The following DCTN5 variants were observed in gnomAD, a reference collection of about 807,000 sequenced individuals.
DCTN5 encodes dynactin subunit 5, also known as dynactin 4.
In DCTN5, 14 loss-of-function variants were observed where a neutral mutation model predicts 23.5. The observed-to-expected ratio is 0.60, with a 90% CI of 0.39 to 0.93. The LOEUF is 0.93. DCTN5 is among the 40% of genes least tolerant of loss of function. DCTN5 has a pLI of 0.00. For missense variants in DCTN5, 156 were observed against 225.9 expected (o/e 0.69, Z 1.98); for synonymous variants, 67 against 79.6 (o/e 0.84, Z 0.84).
At chr16:23,659,493 G>C (rs1194970612) in intron 3 of DCTN5, among the ~76,000 whole-genome samples, 1 of 152,178 alleles carries the variant, frequency 6.6e-6, no homozygotes, top group Non-Finnish European at 1.5e-5. Flanking sequence ...AATATATAAA[G>C]ATAGATAAAA....
rs1200886459 is a variant in DCTN5 at position 23,669,138 on chromosome 16, T to A, written c.*1994T>A. 1 of 152,652 alleles carries A rather than the reference T, an allele frequency of 6.6e-6. No homozygotes were observed. The highest frequency in any genetic ancestry group is 1.9e-4 in the East Asian group (1 of 5,192). 9.5% of individuals were successfully genotyped at this position (152,652 alleles called of 1,614,324 possible). A position where few individuals can be genotyped will look rare whatever the true frequency, so the allele number is the denominator to read the frequency against. On this transcript the variant is annotated 3_prime_UTR_variant, in exon 6 of 6. Transcript: ENST00000300087. ...CTAGGAACAGCCTGTCACCACACAA[T>A]TACTTTTATAACCCTGGAGATGAAA... is the stretch of plus-strand genomic sequence containing the variant.
chr16:23,663,077 G>A (rs947771173), intron 4 of DCTN5, among the ~76,000 whole-genome samples: 6 of 152,104 alleles, frequency 3.9e-5, no homozygotes, highest in South Asian at 4.1e-4. Context: ...TAGTCCAGCC[G>A]TCCCCATGAC....
chr16:23,653,165 T>A (rs1422643362), intron 2 of DCTN5, among the ~76,000 whole-genome samples: 1 of 152,018 alleles, frequency 6.6e-6, no homozygotes, highest in African/African-American at 2.4e-5. Flanking sequence ...AAATAAAAAA[T>A]CAGTGTAATT....
intron 2 of DCTN5, among the ~76,000 whole-genome samples, chr16:23,644,294 A>ATTTTTTTTTTTTTT (rs534821955): frequency 1.0e-5 from 1 of 97,352 alleles, no homozygotes; most frequent in Non-Finnish European, 2.0e-5. Flanking sequence ...TGCCCACCTA[A>ATTTTTTTTTTTTTT]TTTTTTTTTT....
chr16:23,648,548 C>T (rs1967525665), intron 2 of DCTN5, among the ~76,000 whole-genome samples: 1 of 151,662 alleles, frequency 6.6e-6, no homozygotes, highest in South Asian at 2.1e-4. Flanking sequence ...TGGGGTTTAA[C>T]CATGTTGGCC....
rs1429830762 is a variant in DCTN5, at chr16:23,668,961, G to A, written c.*1817G>A. The A allele has an allele frequency of 1.3e-5, 2 of 152,614 alleles. No individual in the cohort carries two copies. The highest frequency in any genetic ancestry group is 2.9e-5 in the Non-Finnish European group (2 of 68,048). The allele number at this position is 152,614 out of a possible 1,614,324, so 9.5% of individuals were successfully genotyped here. A position where few individuals can be genotyped will look rare whatever the true frequency, so the allele number is the denominator to read the frequency against. On this transcript the variant is annotated 3_prime_UTR_variant, in exon 6 of 6. Transcript: ENST00000300087. The stretch of plus-strand genomic sequence containing the variant: ...ATGACCTTTTCTTCATCCAAAACAA[G>A]GTGATGGGAAGACAAAAACAATAGC...
At chr16:23,645,135 A>ATATT (rs1567228559) in intron 2 of DCTN5, among the ~76,000 whole-genome samples, 1 of 24,812 alleles carries the variant, frequency 4.0e-5, no homozygotes. Flanking sequence ...ATATATATAT[A>ATATT]TATTTTTTTT....
intron 2 of DCTN5, chr16:23,657,706 T>C (rs1967734470): frequency 4.5e-6 from 1 of 222,740 alleles, no homozygotes; most frequent in African/African-American, 2.4e-5. Flanking sequence ...CCTCCCAAAG[T>C]GTTGGGATTA....
intron 4 of DCTN5, among the ~76,000 whole-genome samples, chr16:23,663,358 G>A (rs1418574040): frequency 6.6e-6 from 1 of 152,222 alleles, no homozygotes; most frequent in Non-Finnish European, 1.5e-5. Context: ...ATAGGTAGCT[G>A]TAGTATTAGC....
intron 2 of DCTN5, among the ~76,000 whole-genome samples, chr16:23,646,822 A>G (rs1392970430): frequency 1.3e-5 from 2 of 151,964 alleles, no homozygotes; most frequent in African/African-American, 4.8e-5. Context: ...GTGATCTGCC[A>G]GCCTCGGCGT....
intron 2 of DCTN5, among the ~76,000 whole-genome samples, chr16:23,644,935 ACACTG>A (rs2140970419): frequency 6.9e-6 from 1 of 144,344 alleles, no homozygotes; most frequent in African/African-American, 2.6e-5. Context: ...GCACGCCACT[ACACTG>A]GGCTAATTTT....
intron 2 of DCTN5, among the ~76,000 whole-genome samples, chr16:23,649,837 CAAAAAAA>C (rs1175500177): frequency 5.4e-5 from 3 of 55,974 alleles, no homozygotes; most frequent in African/African-American, 5.5e-5. Flanking sequence ...GACTCTGTCT[CAAAAAAA>C]AAAAAAAAAA....
At chr16:23,658,042 T>C (rs1967742412) in intron 2 of DCTN5, among the ~76,000 whole-genome samples, 1 of 152,072 alleles carries the variant, frequency 6.6e-6, no homozygotes, top group Non-Finnish European at 1.5e-5. Flanking sequence ...AGAATCTGAG[T>C]TCAGAGGTTG....
rs1460401905 is a variant in DCTN5, at chr16:23,668,195, T to G, written c.*1051T>G. ...TTAGCTTAGAAGGAAGATTCAGAAG[T>G]GAGGGGCTAAGAAGGTTGTCCTTGC... On this transcript the variant is annotated 3_prime_UTR_variant, in exon 6 of 6. Coordinates refer to ENST00000300087, the MANE Select transcript of DCTN5 (RefSeq NM_032486.4). 1 of 152,140 alleles carries G rather than the reference T, an allele frequency of 6.6e-6. No homozygotes were observed. The highest frequency in any genetic ancestry group is 2.1e-4 in the South Asian group (1 of 4,830). The allele number at this position is 152,140 out of a possible 1,614,324, so 9.4% of individuals were successfully genotyped here.
At chr16:23,651,265 G>C (rs1188753190) in intron 2 of DCTN5, 2 of 939,934 alleles carry the variant, frequency 2.1e-6, no homozygotes, top group Non-Finnish European at 2.5e-6. Context: ...CCTTTCATTT[G>C]CTTCTCTGAA....
chr16:23,651,163 A>G (rs991604551), intron 2 of DCTN5: 177 of 1,140,486 alleles, frequency 1.6e-4, no homozygotes, highest in Non-Finnish European at 1.8e-4. Flanking sequence ...GTTTGCAAGT[A>G]TAGTCCTTCA....
chr16:23,668,553 G>T lies in DCTN5; in HGVS notation c.*1409G>T, dbSNP rs1208349489. The T allele has an allele frequency of 6.6e-6, 1 of 152,206 alleles. No individual in the cohort carries two copies. The highest frequency in any genetic ancestry group is 1.5e-5 in the Non-Finnish European group (1 of 68,052). The allele number at this position is 152,206 out of a possible 1,614,324, so 9.4% of individuals were successfully genotyped here. A position where few individuals can be genotyped will look rare whatever the true frequency, so the allele number is the denominator to read the frequency against. ...CCAGGTTCCTACTGTCTTGCCATGT[G>T]GCCACAGTTAGCAACAAAGGAGGCT... On this transcript the variant is annotated 3_prime_UTR_variant, in exon 6 of 6. Coordinates refer to ENST00000300087, the MANE Select transcript of DCTN5 (RefSeq NM_032486.4).
intron 2 of DCTN5, among the ~76,000 whole-genome samples, chr16:23,653,965 T>G (rs963776282): frequency 6.6e-6 from 1 of 152,142 alleles, no homozygotes; most frequent in Non-Finnish European, 1.5e-5. Flanking sequence ...ATTAGAGAAG[T>G]GCAAATCAAA....
intron 3 of DCTN5, among the ~76,000 whole-genome samples, chr16:23,660,717 G>A (rs139285471): frequency 3.3e-5 from 5 of 152,110 alleles, no homozygotes; most frequent in African/African-American, 1.2e-4. Flanking sequence ...ATTGAGTCTG[G>A]CACATAGTAG....
Sources: allele counts gnomAD v4.1 joint callset (sites outside exome capture counted in the v4.1 genomes callset), GRCh38; gene constraint gnomAD v4.1.1; transcripts MANE v1.5; gene names NCBI Gene and HGNC (gene_info 2026-07-23, HGNC 2026-07-21).